PRKCZ: variants seen among roughly 807,000 people sequenced by gnomAD.
PRKCZ encodes protein kinase C zeta type.
In PRKCZ, 33 loss-of-function variants were observed where a neutral mutation model predicts 79.5. The ratio of observed to expected loss-of-function variants is 0.41; its 90% CI spans 0.31 to 0.55. PRKCZ has a LOEUF of 0.55. PRKCZ is among the 20% of genes least tolerant of loss of function. PRKCZ has a pLI of 0.19. For missense variants in PRKCZ, 578 were observed against 813.5 expected, an observed-to-expected ratio of 0.71 and a Z score of 3.52; for synonymous variants, 342 against 320.9, an observed-to-expected ratio of 1.07 and a Z score of -0.70.
intron 4 of PRKCZ, among the ~76,000 whole-genome samples, chr1:2,095,256 T>C (rs1666253987): frequency 6.6e-6 from 1 of 152,132 alleles, no homozygotes; most frequent in Non-Finnish European, 1.5e-5. Context: ...GTTCCCTCTG[T>C]AGGGGAGGGC....
intron 4 of PRKCZ, among the ~76,000 whole-genome samples, chr1:2,081,236 A>G (rs1368784921): frequency 1.3e-5 from 2 of 152,188 alleles, no homozygotes; most frequent in South Asian, 4.1e-4. Context: ...TGTCAATTTC[A>G]TACTTGGGTT....
intron 4 of PRKCZ, among the ~76,000 whole-genome samples, chr1:2,131,185 C>T (rs2102988850): frequency 6.6e-6 from 1 of 152,334 alleles, no homozygotes; most frequent in South Asian, 2.1e-4. Context: ...GAGCTGACTG[C>T]CGGGTGCCAC....
At chr1:2,071,767 C>T (rs1290305389) in intron 4 of PRKCZ, among the ~76,000 whole-genome samples, 1 of 152,156 alleles carries the variant, frequency 6.6e-6, no homozygotes, top group Non-Finnish European at 1.5e-5. Context: ...TGCGTATTTC[C>T]TGTGGGAGCT....
intron 4 of PRKCZ, among the ~76,000 whole-genome samples, chr1:2,087,407 C>T (rs570559498): frequency 6.6e-6 from 1 of 152,078 alleles, no homozygotes; most frequent in Non-Finnish European, 1.5e-5. Flanking sequence ...TTTTACTTAC[C>T]TTTGGGTGGT....
Position 2,107,123 on chromosome 1 carries a change from T to G in PRKCZ, c.335-28139T>G, listed in dbSNP as rs1668703149. On this transcript the variant is annotated intron_variant, in intron 4 of 17. Transcript: ENST00000378567. ...GGGCCTGCTCTGCCTCCCCCGTGTT[T>G]CCTCGGGGTTCTGCGTCTGTGACCG... is the stretch of plus-strand genomic sequence containing the variant. Among the ~76,000 whole-genome samples the G allele has an allele frequency of 2.0e-5, 3 of 152,354 alleles. No homozygotes were observed. In the South Asian group the frequency reaches 6.2e-4, roughly 32 times the overall value.
intron 10 of PRKCZ, among the ~76,000 whole-genome samples, chr1:2,158,079 T>G (rs1204571963): frequency 1.1e-4 from 10 of 90,188 alleles, no homozygotes; most frequent in Non-Finnish European, 2.0e-4. Flanking sequence ...CAGCCACCTC[T>G]GTCTGTCGGA....
chr1:2,183,104 G>A (rs925719886), intron 16 of PRKCZ, among the ~76,000 whole-genome samples: 16 of 152,172 alleles, frequency 1.1e-4, no homozygotes, highest in Non-Finnish European at 2.2e-4. Flanking sequence ...GGTGGCGGGC[G>A]CCTGTACTCC....
intron 4 of PRKCZ, among the ~76,000 whole-genome samples, chr1:2,107,782 C>T (rs1274293136): frequency 1.3e-5 from 2 of 152,024 alleles, no homozygotes; most frequent in African/African-American, 4.8e-5. Flanking sequence ...CAGCAGCATC[C>T]AGGGATTTCC....
intron 4 of PRKCZ, among the ~76,000 whole-genome samples, chr1:2,130,609 G>T (rs993930754): frequency 6.6e-6 from 1 of 152,086 alleles, no homozygotes; most frequent in Non-Finnish European, 1.5e-5. Flanking sequence ...GGCCCAGCAG[G>T]CTGGAGACCT....
rs1351347755 is a variant in PRKCZ at position 2,177,573 on chromosome 1, AGT to A, written c.1575+2264_1575+2265del. Among the ~76,000 whole-genome samples the A allele has an allele frequency of 6.6e-6, 1 of 152,138 alleles. No homozygotes were observed. The highest frequency in any genetic ancestry group is 1.5e-5 in the Non-Finnish European group (1 of 68,038). On this transcript the variant is annotated intron_variant, in intron 16 of 17. Coordinates refer to ENST00000378567, the MANE Select transcript of PRKCZ (RefSeq NM_002744.6). The surrounding 1 kb of genome is among the most constrained non-coding windows in gnomAD (Gnocchi z 6.4). Reference sequence around the variant, plus strand: ...TCTCTTCGGAGCACTGTCTAATCTGAGTGTGAGTCCAACCCTGCCCGAGCCGG... The same window carrying A: ...TCTCTTCGGAGCACTGTCTAATCTGAGTGAGTCCAACCCTGCCCGAGCCGG...
At position 2,104,658 on chromosome 1, in the gene PRKCZ, T is replaced by C. The variant is rs997010692; in HGVS notation, c.335-30604T>C. Reference sequence around the variant, plus strand: ...GCAGGGAGCATCCAGGGGAAGCCAGTGTGGGTGGGGACTGGGAGGAGAGAG... The same window carrying C: ...GCAGGGAGCATCCAGGGGAAGCCAGCGTGGGTGGGGACTGGGAGGAGAGAG... On this transcript the variant is annotated intron_variant, in intron 4 of 17. Transcript: ENST00000378567. 5 of 982,568 alleles carry C rather than the reference T, an allele frequency of 5.1e-6. No homozygotes were observed. In the East Asian group the frequency reaches 5.7e-4, roughly 112 times the overall value. 60.9% of individuals were successfully genotyped at this position (982,568 alleles called of 1,614,324 possible).
At chr1:2,072,519 G>A (rs942410263) in intron 4 of PRKCZ, among the ~76,000 whole-genome samples, 1 of 150,380 alleles carries the variant, frequency 6.6e-6, no homozygotes, top group Non-Finnish European at 1.5e-5. Flanking sequence ...GGTGTGGGGA[G>A]CAGGCATTGG....
At position 2,174,705 on chromosome 1, in the gene PRKCZ, C is replaced by T. The variant is rs746976366; in HGVS notation, c.1406-49C>T. 1.3e-6 allele frequency: 2 copies of T among 1,585,064 alleles called. No individual in the cohort carries two copies. Among genetic ancestry groups the T allele is most frequent in the South Asian group, 2.2e-5 (2 of 90,236 alleles). On this transcript the variant is annotated intron_variant, in intron 14 of 17. Coordinates refer to ENST00000378567, the MANE Select transcript of PRKCZ (RefSeq NM_002744.6). The surrounding 1 kb of genome is among the most constrained non-coding windows in gnomAD (Gnocchi z 6.2). The stretch of plus-strand genomic sequence containing the variant: ...GAGTCAGAGTCTGGGCGGCACTGGG[C>T]AAATGGCACACAACACAGGCAAGTC...
Position 2,172,860 on chromosome 1 carries a change from G to A in PRKCZ, c.1285+472G>A, listed in dbSNP as rs747026871. Among the ~76,000 whole-genome samples, 45 of 152,202 alleles carry A rather than the reference G, an allele frequency of 3.0e-4. No individual in the cohort carries two copies. Among genetic ancestry groups the A allele is most frequent in the Non-Finnish European group, 5.1e-4 (35 of 68,040 alleles). ...GGGCGTGAAACGGGGACATGGGCAC[G>A]CGTGTGCAGCCGTGTGTGCGTGTGT... On this transcript the variant is annotated intron_variant, in intron 13 of 17. Transcript: ENST00000378567. This position sits in a 1 kb window ranked among gnomAD's most constrained non-coding sequence, Gnocchi z 7.8.
At chr1:2,068,225 G>A (rs1304101384) in intron 4 of PRKCZ, among the ~76,000 whole-genome samples, 4 of 152,222 alleles carry the variant, frequency 2.6e-5, no homozygotes, top group African/African-American at 7.2e-5. Flanking sequence ...GGGGTGGGGC[G>A]GCCCGGCTTC....
rs192195259 is a variant in PRKCZ, at chr1:2,137,043, G to T, written c.420+1696G>T. On this transcript the variant is annotated intron_variant, in intron 5 of 17. Transcript: ENST00000378567. ...AGGCTGGGGAAGAAAGAAGCCAGCA[G>T]TGGCTCACTCCGAGTCCAAAAGCCT... 2.2e-3 allele frequency among the ~76,000 whole-genome samples: 329 copies of T among 152,280 alleles called. 1 individual carries two copies. The highest frequency in any genetic ancestry group is 6.6e-3 in the South Asian group (32 of 4,822).
In PRKCZ at chr1:2,156,478, C is replaced by T. The variant is rs148106929; in HGVS notation, c.974+386C>T. The stretch of plus-strand genomic sequence containing the variant: ...TTGAATACATTTGAAAGCTGATGAT[C>T]TAGGATATTAAATGTATGCCCTGTT... On this transcript the variant is annotated intron_variant, in intron 10 of 17. Coordinates refer to ENST00000378567, the MANE Select transcript of PRKCZ (RefSeq NM_002744.6). 4 of 214,418 alleles carry T rather than the reference C, an allele frequency of 1.9e-5. No homozygotes were observed. The East Asian group carries it at 4.3e-4, about 23-fold the overall frequency. The allele number at this position is 214,418 out of a possible 1,614,324, so 13.3% of individuals were successfully genotyped here.
At chr1:2,152,640 A>T (rs778191287) in intron 9 of PRKCZ, among the ~76,000 whole-genome samples, 9 of 152,170 alleles carry the variant, frequency 5.9e-5, no homozygotes, top group Non-Finnish European at 1.2e-4. Flanking sequence ...CATTTTCCTC[A>T]CCCCAAAAGG....
At chr1:2,057,652 G>C (rs998201927) in intron 3 of PRKCZ, among the ~76,000 whole-genome samples, 1 of 152,116 alleles carries the variant, frequency 6.6e-6, no homozygotes, top group African/African-American at 2.4e-5. Context: ...GATCGCTTCA[G>C]CCTAGGAGTT....
Sources: allele counts gnomAD v4.1 joint callset (sites outside exome capture counted in the v4.1 genomes callset), GRCh38; gene constraint gnomAD v4.1.1; non-coding constraint Gnocchi (gnomAD v3.1); transcripts MANE v1.5; gene names NCBI Gene and HGNC (gene_info 2026-07-23, HGNC 2026-07-21).